Variants in RPRD2 observed in about 807,000 individuals in gnomAD.
RPRD2 encodes regulation of nuclear pre-mRNA domain containing 2, also known as regulation of nuclear pre-mRNA domain-containing protein 2.
In RPRD2, 12 loss-of-function variants were observed where a neutral mutation model predicts 104.4. The ratio of observed to expected loss-of-function variants is 0.11; its 90% CI spans 0.07 to 0.19. The LOEUF (loss-of-function observed/expected upper bound fraction) is 0.19, where lower values mean the gene tolerates loss of function less well. RPRD2 is among the 10% of genes least tolerant of loss of function. The probability of loss-of-function intolerance (pLI) is 1.00; values close to 1 mark genes in which losing one functional copy is unlikely to be tolerated. For missense variants in RPRD2, 1,543 were observed against 1,790.1 expected (o/e 0.86, Z 2.49); for synonymous variants, 714 against 684.9 (o/e 1.04, Z -0.66).
At position 150,365,265 on chromosome 1, in the gene RPRD2, T is replaced by C. The variant is rs1659748918; in HGVS notation, c.205+346T>C. On this transcript the variant is annotated intron_variant, in intron 1 of 10. Transcript: ENST00000369068. ...GAAATTGTAGCGTCTGTTTATTTCT[T>C]ACAGGCCTTGACGTGTTAATGATTT... Among the ~76,000 whole-genome samples the C allele has an allele frequency of 2.6e-5, 4 of 152,234 alleles. No individual in the cohort carries two copies. In the South Asian group the frequency reaches 8.3e-4, roughly 32 times the overall value.
intron 9 of RPRD2, 146 bp from the exon 10 acceptor site, chr1:150,464,381 T>TTA: frequency 3.9e-6 from 2 of 509,082 alleles, no homozygotes; most frequent in South Asian, 2.7e-5. Context: ...TTTTTTTTTG[T>TTA]ACATGTCATG....
intron 7 of RPRD2, among the ~76,000 whole-genome samples, chr1:150,447,221 G>T (rs1666842601): frequency 6.6e-6 from 1 of 151,844 alleles, no homozygotes; most frequent in African/African-American, 2.4e-5. Flanking sequence ...CTCCCAAAGT[G>T]CTGGGATTGC....
chr1:150,405,887 C>A (rs1241657412), intron 1 of RPRD2, among the ~76,000 whole-genome samples: 2 of 152,096 alleles, frequency 1.3e-5, no homozygotes, highest in Admixed American at 1.3e-4. Flanking sequence ...CAGGGTATTG[C>A]AGTGTTTGTG....
At chr1:150,427,070 G>C (rs587622364) in intron 2 of RPRD2, among the ~76,000 whole-genome samples, 1 of 152,060 alleles carries the variant, frequency 6.6e-6, no homozygotes. Context: ...ACTTGAACCC[G>C]GGAAGTGGAG....
chr1:150,444,119 C>T, intron 5 of RPRD2, 132 bp from the exon 6 acceptor site: 1 of 828,766 alleles, frequency 1.2e-6, no homozygotes, highest in Non-Finnish European at 1.8e-6. Context: ...AAGTTTTTTT[C>T]CTCCCAGGGT....
At position 150,379,118 on chromosome 1, in the gene RPRD2, T is replaced by TAA. The variant is rs138017373; in HGVS notation, c.205+14207_205+14208dup. On this transcript the variant is annotated intron_variant, in intron 1 of 10. Coordinates refer to ENST00000369068, the MANE Select transcript of RPRD2 (RefSeq NM_015203.5). ...CAACATGGCGAAACCCTGTGTCTAC[T>TAA]AAAAAAAAACAAAAATTAGACCGTC... is the stretch of plus-strand genomic sequence containing the variant. 5.0e-3 allele frequency among the ~76,000 whole-genome samples: 737 copies of TAA among 146,824 alleles called. 6 individuals carry two copies. The highest frequency in any genetic ancestry group is 8.5e-3 in the Non-Finnish European group (568 of 66,800).
rs1212462464 is a variant in RPRD2, at chr1:150,471,751, G to T, written c.2803G>T (p.Asp935Tyr). ...CCGGTCACCATCACCGAGTAAGAATGATTCATTTTTCACCCCTGACTCCAA... is the reference window on the plus strand; with the variant it reads ...CCGGTCACCATCACCGAGTAAGAATTATTCATTTTTCACCCCTGACTCCAA... Reference protein sequence around the residue: ...SDRSPSPSKNDSFFTPDSNHN... With the variant: ...SDRSPSPSKNYSFFTPDSNHN... The change falls in exon 11 of 11, where the codon GAT becomes TAT. Residue 935 changes from aspartate to tyrosine, a missense_variant. Around this residue, in one of 4 missense-constraint regions of RPRD2, gnomAD observed 880 missense variants for 885.6 expected, o/e 0.99. Transcript: ENST00000369068. This position sits in a 1 kb window ranked among gnomAD's most constrained non-coding sequence, Gnocchi z 5.3. The T allele has an allele frequency of 1.2e-6, 2 of 1,613,774 alleles. No individual in the cohort carries two copies. Among genetic ancestry groups the T allele is most frequent in the Non-Finnish European group, 1.7e-6 (2 of 1,179,888 alleles).
intron 1 of RPRD2, among the ~76,000 whole-genome samples, chr1:150,405,853 T>A (rs1663429936): frequency 6.6e-6 from 1 of 152,192 alleles, no homozygotes; most frequent in African/African-American, 2.4e-5. Flanking sequence ...TCCCACCCAT[T>A]AGTGCCCCTG....
intron 1 of RPRD2, among the ~76,000 whole-genome samples, chr1:150,400,385 T>A (rs587599610): frequency 6.6e-6 from 1 of 152,304 alleles, no homozygotes; most frequent in East Asian, 1.9e-4. Flanking sequence ...TGGCTGAAAC[T>A]TCTAGGATGA....
At chr1:150,412,417 G>A (rs1390954601) in intron 1 of RPRD2, among the ~76,000 whole-genome samples, 1 of 152,140 alleles carries the variant, frequency 6.6e-6, no homozygotes, top group Non-Finnish European at 1.5e-5. Flanking sequence ...TAACATGGGG[G>A]TGGTCAGAAA....
At chr1:150,381,852 G>GTA (rs1661159926) in intron 1 of RPRD2, among the ~76,000 whole-genome samples, 1 of 152,106 alleles carries the variant, frequency 6.6e-6, no homozygotes, top group Non-Finnish European at 1.5e-5. Context: ...GAGACATACT[G>GTA]TATTGTACTG....
rs369811420 is a variant in RPRD2, at chr1:150,405,240, A to C, written c.206-12356A>C. Reference sequence around the variant, plus strand: ...GAGTAGTAAATTAAGTAACTGGTGGATTGATACCTTATGAATGTTAACATA... The same window carrying C: ...GAGTAGTAAATTAAGTAACTGGTGGCTTGATACCTTATGAATGTTAACATA... On this transcript the variant is annotated intron_variant, in intron 1 of 10. Coordinates refer to ENST00000369068, the MANE Select transcript of RPRD2 (RefSeq NM_015203.5). Among the ~76,000 whole-genome samples the C allele has an allele frequency of 6.3e-4, 96 of 152,298 alleles. 2 individuals carry two copies. The South Asian group carries it at 0.019, about 30-fold the overall frequency.
Position 150,471,674 on chromosome 1 carries a change from C to T in RPRD2, c.2726C>T (p.Ser909Phe). The T allele has an allele frequency of 6.2e-7, 1 of 1,613,904 alleles. No homozygotes were observed. Among genetic ancestry groups the T allele is most frequent in the Non-Finnish European group, 8.5e-7 (1 of 1,179,856 alleles). Residue 909 changes from serine (S) to phenylalanine (F), a missense_variant, in exon 11 of 11, where the codon TCC (serine) becomes TTC (phenylalanine). By Grantham distance (155) the Ser-to-Phe change is radical. Around this residue, in one of 4 missense-constraint regions of RPRD2, gnomAD observed 880 missense variants for 885.6 expected, o/e 0.99. Coordinates refer to ENST00000369068, the MANE Select transcript of RPRD2 (RefSeq NM_015203.5). The surrounding 1 kb of genome is among the most constrained non-coding windows in gnomAD (Gnocchi z 5.3). ...GAGAACTGTGACCGTCTCTCATCTT[C>T]CCCTGGGCTATTTGGTGCCTTCAGC... ...SSENCDRLSSSPGLFGAFSVR... is the reference protein window; with the variant it reads ...SSENCDRLSSFPGLFGAFSVR...
At position 150,404,575 on chromosome 1, in the gene RPRD2, A is replaced by G. The variant is rs187133127; in HGVS notation, c.206-13021A>G. Among the ~76,000 whole-genome samples, 11 of 152,114 alleles carry G rather than the reference A, an allele frequency of 7.2e-5. No individual in the cohort carries two copies. The East Asian group carries it at 1.9e-3, about 27-fold the overall frequency. ...TAAGAAGTCTGTTTCTTATAGCTAAAGTGGATGTCTTTGCTAGGCTGTATC... is the reference window on the plus strand; with the variant it reads ...TAAGAAGTCTGTTTCTTATAGCTAAGGTGGATGTCTTTGCTAGGCTGTATC... On this transcript the variant is annotated intron_variant, in intron 1 of 10. Transcript: ENST00000369068.
intron 10 of RPRD2, among the ~76,000 whole-genome samples, chr1:150,465,901 A>T (rs1435862616): frequency 1.3e-5 from 2 of 151,264 alleles, no homozygotes; most frequent in African/African-American, 2.4e-5. Flanking sequence ...TCTACTAAAA[A>T]TATGAAAATT....
At chr1:150,430,362 TAAG>T (rs1475878337) in intron 2 of RPRD2, among the ~76,000 whole-genome samples, 1 of 151,532 alleles carries the variant, frequency 6.6e-6, no homozygotes, top group Non-Finnish European at 1.5e-5. Context: ...ACAGGAGAAA[TAAG>T]GAGTGGGGAA....
chr1:150,394,826 T>C (rs1434664636), intron 1 of RPRD2, among the ~76,000 whole-genome samples: 1 of 151,816 alleles, frequency 6.6e-6, no homozygotes, highest in East Asian at 1.9e-4. Flanking sequence ...AAGCAATCTG[T>C]TTCCTCGGCC....
intron 1 of RPRD2, among the ~76,000 whole-genome samples, chr1:150,387,066 A>G (rs1572370946): frequency 6.6e-6 from 1 of 152,204 alleles, no homozygotes; most frequent in African/African-American, 2.4e-5. Flanking sequence ...GTTTTTATGC[A>G]TTCATGACAT....
chr1:150,465,886 A>C (rs74335909), intron 10 of RPRD2, among the ~76,000 whole-genome samples: 33,336 of 150,600 alleles, frequency 0.22, 4,178 homozygotes, highest in African/African-American at 0.32. Flanking sequence ...AGGTGAAATA[A>C]CATCTCTACT....
Sources: gnomAD v4.1 joint callset for allele counts (sites outside exome capture counted in the v4.1 genomes callset) on GRCh38, gnomAD v4.1.1 for gene constraint, gnomAD v4.1.1 regional missense constraint, Gnocchi (gnomAD v3.1) non-coding constraint, MANE v1.5 for transcripts, NCBI Gene and HGNC (gene_info 2026-07-23, HGNC 2026-07-21) for gene names.